AHNAK: variants seen among roughly 807,000 people sequenced by gnomAD.
The protein encoded by AHNAK is neuroblast differentiation-associated protein AHNAK.
AHNAK carries 23 observed loss-of-function variants against 37.8 expected under a neutral mutation model. The observed-to-expected ratio is 0.61, with a 90% CI of 0.44 to 0.86. The LOEUF is 0.86. Among genes scored for constraint, AHNAK ranks in the 40% least tolerant of loss-of-function variants. AHNAK has a pLI of 0.00. For synonymous variants in AHNAK, 2,481 were observed against 2,636.3 expected (o/e 0.94, Z 1.80); for missense variants, 7,411 against 7,319.4 (o/e 1.01, Z -0.46).
At chr11:62,443,923 A>G (rs960789014) in intron 5 of AHNAK, among the ~76,000 whole-genome samples, 4 of 152,328 alleles carry the variant, frequency 2.6e-5, no homozygotes, top group Middle Eastern at 3.4e-3. Flanking sequence ...CTTATGAGGC[A>G]CCAGCAGTAG....
intron 5 of AHNAK, among the ~76,000 whole-genome samples, chr11:62,455,316 A>G (rs1938632437): frequency 6.6e-6 from 1 of 152,172 alleles, no homozygotes; most frequent in Non-Finnish European, 1.5e-5. Flanking sequence ...GGCCCCCTTA[A>G]GAGAGTCTCC....
chr11:62,443,524 G>A (rs544598616), intron 5 of AHNAK, among the ~76,000 whole-genome samples: 13 of 152,052 alleles, frequency 8.5e-5, no homozygotes, highest in African/African-American at 2.2e-4. Context: ...TGCCTGCCTC[G>A]GCCTCCCCAA....
At chr11:62,510,420 ACT>A (rs1296573420) in intron 4 of AHNAK, among the ~76,000 whole-genome samples, 2 of 151,944 alleles carry the variant, frequency 1.3e-5, no homozygotes, top group African/African-American at 4.8e-5. Flanking sequence ...TCTGTAATTT[ACT>A]CTCAAATGAT....
chr11:62,541,852 G>A (rs986600185), intron 1 of AHNAK: 3 of 152,244 alleles, frequency 2.0e-5, no homozygotes, highest in South Asian at 2.1e-4. Flanking sequence ...AGGAACAAGG[G>A]TGACATCCCT....
intron 4 of AHNAK, among the ~76,000 whole-genome samples, chr11:62,534,737 C>G (rs1192026238): frequency 2.0e-5 from 3 of 152,182 alleles, no homozygotes; most frequent in Non-Finnish European, 2.9e-5. Context: ...CTCCTAGCAT[C>G]TAGGGCCGGG....
rs142811323 is a variant in AHNAK at position 62,524,684 on chromosome 11, C to T, written c.9733G>A (p.Glu3245Lys). The change falls in exon 5 of 5, where the codon GAA becomes AAA. Residue 3245 changes from glutamate to lysine, a missense_variant. Transcript: ENST00000378024. ...AGAGCAGGTCCTTTCAAATCACCTT[C>T]TACATTTGCAAGTGAAACATCCACC... Reference protein sequence around the residue: ...GEVDVSLANVEGDLKGPALDI... With the variant: ...GEVDVSLANVKGDLKGPALDI... 150 of 1,614,082 alleles carry T rather than the reference C, an allele frequency of 9.3e-5. 1 individual carries two copies. The Middle Eastern group carries it at 1.2e-3, about 12-fold the overall frequency.
chr11:62,443,419 T>C (rs752614336), intron 5 of AHNAK, among the ~76,000 whole-genome samples: 22 of 151,984 alleles, frequency 1.4e-4, no homozygotes, highest in Non-Finnish European at 1.5e-4. Flanking sequence ...ATTACAGGCA[T>C]GCACCACCAC....
At position 62,479,442 on chromosome 11, in the gene AHNAK, C is replaced by T. The variant is rs190369279; in HGVS notation, c.442+12290G>A. Among the ~76,000 whole-genome samples the T allele has an allele frequency of 1.1e-3, 154 of 145,594 alleles. 1 individual carries two copies. Among genetic ancestry groups the T allele is most frequent in the Non-Finnish European group, 3.8e-4 (25 of 66,138 alleles). On this transcript the variant is annotated intron_variant, in intron 5 of 5. Transcript: ENST00000257247. The stretch of plus-strand genomic sequence containing the variant: ...TCAGCCTCCCAAAGTACTGGGATTA[C>T]GGGCGTGAGCTACCCTGCCCAGCCC...
intron 4 of AHNAK, among the ~76,000 whole-genome samples, chr11:62,494,857 T>TGGTCTCTACTAAAATACAAAAATTA (rs1432637491): frequency 6.6e-5 from 10 of 151,930 alleles, no homozygotes; most frequent in Admixed American, 4.6e-4. Flanking sequence ...AAAATTAGCA[T>TGGTCTCTACTAAAATACAAAAATTA]GGCGTGATGG....
chr11:62,516,940 C>T lies in AHNAK; in HGVS notation c.17477G>A (p.Gly5826Asp). The T allele has an allele frequency of 6.2e-7, 1 of 1,614,140 alleles. No homozygotes were observed. Among genetic ancestry groups the T allele is most frequent in the African/African-American group, 1.3e-5 (1 of 75,026 alleles). Residue 5826 changes from glycine (G) to aspartate (D), a missense_variant, in exon 5 of 5, where the codon GGT becomes GAT. Physicochemically the swap from Gly to Asp is moderately conservative, Grantham distance 94. Coordinates refer to ENST00000378024, the MANE Select transcript of AHNAK (RefSeq NM_001620.3). Reference sequence around the variant, plus strand: ...ACCTTTGCTCTTTGACCCCAATCCACCAAAGGTACCGAATTTCAGCTTCCC... The same window carrying T: ...ACCTTTGCTCTTTGACCCCAATCCATCAAAGGTACCGAATTTCAGCTTCCC... ...KHGKLKFGTF[G>D]GLGSKSKGHY...
At position 62,529,836 on chromosome 11, in the gene AHNAK, G is replaced by A. The variant is rs1940659800; in HGVS notation, c.4581C>T (p.Gly1527=). The A allele has an allele frequency of 6.2e-7, 1 of 1,613,988 alleles. No homozygotes were observed. Among genetic ancestry groups the A allele is most frequent in the Non-Finnish European group, 8.5e-7 (1 of 1,180,004 alleles). The change falls in exon 5 of 5, where the codon GGC becomes GGT. Residue 1527 remains glycine, a synonymous_variant. Coordinates refer to ENST00000378024, the MANE Select transcript of AHNAK (RefSeq NM_001620.3). ...TGGGCAGGTTCATATCCACCTCTGG[G>A]CCCTCTCCTTTAAAGCCAGGCATGC... The part of the protein sequence containing the change: ...KFSMPGFKGE[G]PEVDMNLPKA...
intron 5 of AHNAK, among the ~76,000 whole-genome samples, chr11:62,462,394 GAA>G (rs1938812107): frequency 1.3e-5 from 2 of 152,188 alleles, no homozygotes; most frequent in South Asian, 4.1e-4. Flanking sequence ...GGAAACTACT[GAA>G]GACTGTCCCA....
chr11:62,457,930 T>TC (rs780855513), intron 5 of AHNAK, among the ~76,000 whole-genome samples: 11 of 145,620 alleles, frequency 7.6e-5, no homozygotes, highest in African/African-American at 2.7e-4. Flanking sequence ...TTTTTTTTTT[T>TC]GAGATGGAGT....
chr11:62,513,652 A>G (rs1939955249), downstream of AHNAK, among the ~76,000 whole-genome samples: 1 of 152,078 alleles, frequency 6.6e-6, no homozygotes, highest in African/African-American at 2.4e-5. Flanking sequence ...CGCCCTCCAC[A>G]CACCACATAA....
intron 5 of AHNAK, among the ~76,000 whole-genome samples, chr11:62,488,346 G>A (rs1939433866): frequency 6.6e-6 from 1 of 151,220 alleles, no homozygotes; most frequent in Admixed American, 6.6e-5. Flanking sequence ...ATAGAGAAAT[G>A]GCCACCATGT....
chr11:62,456,143 G>C (rs1057240576), intron 5 of AHNAK, among the ~76,000 whole-genome samples: 7 of 152,166 alleles, frequency 4.6e-5, no homozygotes, highest in African/African-American at 1.7e-4. Flanking sequence ...GCATCTGCAA[G>C]CCGAGAGAGG....
At chr11:62,491,677 G>T (rs1231836069) in intron 5 of AHNAK, 14 of 1,469,550 alleles carry the variant, frequency 9.5e-6, no homozygotes, top group Admixed American at 1.9e-5. Flanking sequence ...GTGATAAAGG[G>T]TATCATTATC....
At chr11:62,481,105 TTTTTTTTTTG>T in intron 5 of AHNAK, among the ~76,000 whole-genome samples, 3 of 138,030 alleles carry the variant, frequency 2.2e-5, no homozygotes, top group South Asian at 2.3e-4. Flanking sequence ...TTTTTTTTGG[TTTTTTTTTTG>T]TTTTTTTGAG....
intron 4 of AHNAK, among the ~76,000 whole-genome samples, chr11:62,495,292 G>T (rs1939586473): frequency 6.6e-6 from 1 of 152,094 alleles, no homozygotes; most frequent in Admixed American, 6.6e-5. Context: ...TAGGAAATAT[G>T]AAAGAAGGAA....
Sources: allele counts gnomAD v4.1 joint callset (sites outside exome capture counted in the v4.1 genomes callset), GRCh38; gene constraint gnomAD v4.1.1; transcripts MANE v1.5; gene names NCBI Gene and HGNC (gene_info 2026-07-23, HGNC 2026-07-21).